The following AMBRA1 variants were observed in gnomAD, a reference collection of about 807,000 sequenced individuals.
AMBRA1 encodes the protein activating molecule in BECN1-regulated autophagy protein 1.
In AMBRA1, 47 loss-of-function variants were observed where a neutral mutation model predicts 125.4. The ratio of observed to expected loss-of-function variants is 0.37; its 90% confidence interval spans 0.30 to 0.48. The LOEUF (loss-of-function observed/expected upper bound fraction) is 0.48, where lower values mean the gene tolerates loss of function less well. Ranked by LOEUF, AMBRA1 falls within the 20% of genes least tolerant of loss-of-function variation. The pLI is 0.99. For missense variants in AMBRA1, 1,331 were observed against 1,693.4 expected (o/e 0.79, Z 3.76); for synonymous variants, 626 against 655.5 (o/e 0.95, Z 0.69).
In AMBRA1 at chr11:46,593,151, T is replaced by C. The variant is rs1380009772; in HGVS notation, c.-121+677A>G. Among the ~76,000 whole-genome samples, 4 of 152,208 alleles carry C rather than the reference T, an allele frequency of 2.6e-5. 1 individual carries two copies. The East Asian group carries it at 7.7e-4, about 29-fold the overall frequency. ...CTGAAGCCTCTTGTGACAGGATCTA[T>C]ATTCCTAACAGTCTATATTCCTAGG... On this transcript the variant is annotated intron_variant, in intron 1 of 17. Transcript: ENST00000683756.
chr11:46,560,629 A>T (rs999180861), intron 1 of AMBRA1, among the ~76,000 whole-genome samples: 2 of 152,240 alleles, frequency 1.3e-5, no homozygotes, highest in Non-Finnish European at 2.9e-5. Context: ...TGGAGAAAAC[A>T]GTGTGCTGAG....
intron 9 of AMBRA1, among the ~76,000 whole-genome samples, chr11:46,502,351 T>C (rs1950873987): frequency 6.6e-6 from 1 of 152,232 alleles, no homozygotes; most frequent in Non-Finnish European, 1.5e-5. Context: ...AGAGTAACTT[T>C]ACAGTGTGTT....
At chr11:46,515,078 T>C (rs1951418134) in intron 7 of AMBRA1, among the ~76,000 whole-genome samples, 1 of 152,222 alleles carries the variant, frequency 6.6e-6, no homozygotes, top group Non-Finnish European at 1.5e-5. Flanking sequence ...TAAAGTGCTC[T>C]GGAGTTAGTC....
At chr11:46,454,221 G>T (rs189865526) in intron 11 of AMBRA1, among the ~76,000 whole-genome samples, 2 of 151,778 alleles carry the variant, frequency 1.3e-5, no homozygotes, top group Admixed American at 1.3e-4. Context: ...TAGAGACGGG[G>T]TCTTGCTGTG....
rs1193170957 is a variant in AMBRA1 at position 46,410,287 on chromosome 11, G to A, written c.3198C>T (p.Ser1066=). The change falls in exon 16 of 18, where the codon AGC becomes AGT. Residue 1066 remains serine, a synonymous_variant. Transcript: ENST00000683756. ...VFTVHSNSRS[S]ERPGTSRATW... is the part of the protein sequence containing the mutation. ...CTTCCCAAACATACCCAGGCCGCTC[G>A]CTGCTCCTGCTGTTGGAATGGACAG... 8 of 1,613,650 alleles carry A rather than the reference G, an allele frequency of 5.0e-6. No individual in the cohort carries two copies. Among genetic ancestry groups the A allele is most frequent in the Non-Finnish European group, 5.9e-6 (7 of 1,179,872 alleles).
In AMBRA1 at chr11:46,545,720, GA is replaced by G; in HGVS notation, c.434del (p.Phe145SerfsTer9). ...DSNNAIASLA[F>X]HPTAQLLLIA... ...TCAGCAGGAGCTGAGCCGTAGGGTGGAAAGCCAGGGAGGCAATGGCATTGTT... is the reference window on the plus strand; with the variant it reads ...TCAGCAGGAGCTGAGCCGTAGGGTGGAAGCCAGGGAGGCAATGGCATTGTT... On this transcript the variant is annotated frameshift_variant, in exon 5 of 18. Transcript: ENST00000683756. LOFTEE classifies it high-confidence loss of function. 6.2e-7 allele frequency: 1 copy of G among 1,614,204 alleles called. No individual in the cohort carries two copies. Among genetic ancestry groups the G allele is most frequent in the Non-Finnish European group, 8.5e-7 (1 of 1,180,032 alleles).
chr11:46,556,532 G>A (rs1250318156), intron 1 of AMBRA1, among the ~76,000 whole-genome samples: 3 of 152,162 alleles, frequency 2.0e-5, no homozygotes, highest in African/African-American at 7.2e-5. Flanking sequence ...GAGAAGTCAT[G>A]AGTGATATTT....
intron 1 of AMBRA1, among the ~76,000 whole-genome samples, chr11:46,570,662 T>G (rs76886784): frequency 4.6e-5 from 7 of 151,504 alleles, no homozygotes; most frequent in Admixed American, 4.6e-4. Flanking sequence ...GCTGTTAATA[T>G]TTTTTTTTAA....
chr11:46,526,127 C>T (rs1055149446), intron 7 of AMBRA1, among the ~76,000 whole-genome samples: 4 of 152,012 alleles, frequency 2.6e-5, no homozygotes, highest in Non-Finnish European at 4.4e-5. Flanking sequence ...ATCACTTGAA[C>T]CTGGGAGGCA....
chr11:46,522,442 A>G (rs1299707538), intron 7 of AMBRA1, among the ~76,000 whole-genome samples: 2 of 152,218 alleles, frequency 1.3e-5, no homozygotes, highest in Non-Finnish European at 2.9e-5. Context: ...GTCTGCTCAC[A>G]GACCACAGAC....
At chr11:46,425,253 A>T (rs887863119) in intron 14 of AMBRA1, among the ~76,000 whole-genome samples, 1 of 151,546 alleles carries the variant, frequency 6.6e-6, no homozygotes, top group Non-Finnish European at 1.5e-5. Flanking sequence ...TGGTCTAATG[A>T]GTTCTAGAGA....
At chr11:46,517,146 CTTTTTTTTTTT>C (rs369058163) in intron 7 of AMBRA1, among the ~76,000 whole-genome samples, 1 of 122,046 alleles carries the variant, frequency 8.2e-6, no homozygotes, top group East Asian at 2.3e-4. Flanking sequence ...TACTCAAAAG[CTTTTTTTTTTT>C]TTTTTTTTGA....
intron 11 of AMBRA1, 127 bp from the exon 12 acceptor site, chr11:46,443,725 G>T: frequency 5.4e-6 from 4 of 744,510 alleles, no homozygotes; most frequent in Non-Finnish European, 6.6e-6. Context: ...GCTGAAGAAA[G>T]CTAATGAGTC....
At chr11:46,432,639 C>T (rs748382431) in intron 14 of AMBRA1, among the ~76,000 whole-genome samples, 1 of 152,248 alleles carries the variant, frequency 6.6e-6, no homozygotes, top group South Asian at 2.1e-4. Context: ...TACACTGAAC[C>T]GAATTGGGTG....
rs183499885 is a variant in AMBRA1, at chr11:46,560,379, G to A, written c.-120-11879C>T. On this transcript the variant is annotated intron_variant, in intron 1 of 17. Transcript: ENST00000683756. ...AATTACTGTAACTATAATAAGGGGG[G>A]AGAAGTGAAGCACCAGCTTTCCTGC... Among the ~76,000 whole-genome samples, 415 of 152,316 alleles carry A rather than the reference G, an allele frequency of 2.7e-3. 2 individuals are homozygous for A. Among genetic ancestry groups the A allele is most frequent in the South Asian group, 6.4e-3 (31 of 4,830 alleles).
At chr11:46,591,985 G>GCC (rs1341258011) in intron 1 of AMBRA1, among the ~76,000 whole-genome samples, 2 of 95,506 alleles carry the variant, frequency 2.1e-5, no homozygotes, top group Middle Eastern at 0.013. Flanking sequence ...CGCTCTTGTT[G>GCC]CCTAGGCTGG....
intron 7 of AMBRA1, among the ~76,000 whole-genome samples, chr11:46,523,017 T>G (rs966297913): frequency 2.0e-5 from 3 of 152,184 alleles, no homozygotes; most frequent in East Asian, 1.9e-4. Flanking sequence ...TGTGCTGGGG[T>G]GTTTATTAAC....
At chr11:46,523,470 C>A (rs1307537217) in intron 7 of AMBRA1, among the ~76,000 whole-genome samples, 3 of 152,188 alleles carry the variant, frequency 2.0e-5, no homozygotes, top group African/African-American at 7.2e-5. Context: ...TTAACGTCCT[C>A]CAGCATGTCA....
intron 12 of AMBRA1, among the ~76,000 whole-genome samples, chr11:46,441,681 G>A (rs902667358): frequency 4.6e-5 from 7 of 152,040 alleles, no homozygotes; most frequent in Admixed American, 2.0e-4. Flanking sequence ...CTATGTATTC[G>A]ACAGCTCACA....
Sources: allele counts gnomAD v4.1 joint callset (sites outside exome capture counted in the v4.1 genomes callset), GRCh38; gene constraint gnomAD v4.1.1; transcripts MANE v1.5; gene names NCBI Gene and HGNC (gene_info 2026-07-23, HGNC 2026-07-21).